Variants in ROCK2 observed in about 807,000 individuals in gnomAD.
ROCK2 encodes rho-associated protein kinase 2.
Under a neutral mutation model 195.1 loss-of-function variants are expected in ROCK2, and 61 were observed. The ratio of observed to expected loss-of-function variants is 0.31; its 90% CI spans 0.25 to 0.39. The LOEUF is 0.39. ROCK2 is among the 10% of genes least tolerant of loss of function. ROCK2 has a pLI of 1.00. For synonymous variants in ROCK2, 504 were observed against 545.5 expected (o/e 0.92, Z 1.06); for missense variants, 1,109 against 1,637.4 (o/e 0.68, Z 5.57).
intron 1 of ROCK2, among the ~76,000 whole-genome samples, chr2:11,291,132 TAC>T (rs1383795640): frequency 6.6e-6 from 1 of 152,282 alleles, no homozygotes; most frequent in South Asian, 2.1e-4. Context: ...AGGGAAAAAA[TAC>T]ATATACATAA....
intron 20 of ROCK2, among the ~76,000 whole-genome samples, chr2:11,204,591 CCTTA>C (rs1256937342): frequency 6.6e-6 from 1 of 152,088 alleles, no homozygotes; most frequent in Non-Finnish European, 1.5e-5. Context: ...TCCCTCTGGG[CCTTA>C]CTTACGTCTT....
At chr2:11,283,346 G>T (rs1389216856) in intron 3 of ROCK2, among the ~76,000 whole-genome samples, 2 of 150,764 alleles carry the variant, frequency 1.3e-5, no homozygotes, top group Non-Finnish European at 3.0e-5. Flanking sequence ...GGATCATGAG[G>T]TCAGGAGATC....
At chr2:11,183,848 C>T (rs1309508104) in intron 32 of ROCK2, among the ~76,000 whole-genome samples, 1 of 152,144 alleles carries the variant, frequency 6.6e-6, no homozygotes, top group Non-Finnish European at 1.5e-5. Flanking sequence ...CCCTAAGCCA[C>T]ATTTTGTTTT....
In ROCK2 at chr2:11,263,673, A is replaced by ACAC. The variant is rs1553308475; in HGVS notation, c.325-13876_325-13875insGTG. The stretch of plus-strand genomic sequence containing the variant: ...AAGGCACACACACACACACACACAC[A>ACAC]AAAAAAAACAAAGAGCATGCTCTGA... On this transcript the variant is annotated intron_variant, in intron 3 of 32. Transcript: ENST00000315872. 4.8e-4 allele frequency among the ~76,000 whole-genome samples: 68 copies of ACAC among 142,748 alleles called. No homozygotes were observed. In the South Asian group the frequency reaches 9.3e-3, roughly 20 times the overall value. The allele number at this position is 142,748 out of a possible 152,430, so 93.6% of individuals were successfully genotyped here.
intron 32 of ROCK2, among the ~76,000 whole-genome samples, chr2:11,183,868 T>C (rs1037451803): frequency 1.3e-5 from 2 of 152,200 alleles, no homozygotes; most frequent in African/African-American, 2.4e-5. Context: ...TTCTATAAGA[T>C]AGGACCAACT....
chr2:11,194,886 C>T (rs2148034025), intron 28 of ROCK2, 69 bp downstream of exon 28: 1 of 843,202 alleles, frequency 1.2e-6, no homozygotes, highest in African/African-American at 1.7e-5. Flanking sequence ...CCTACAACTA[C>T]AAAAGCCAAA....
chr2:11,284,123 C>A (rs886308476), intron 3 of ROCK2, among the ~76,000 whole-genome samples: 7 of 152,066 alleles, frequency 4.6e-5, no homozygotes, highest in African/African-American at 1.7e-4. Context: ...ACCTTAAATG[C>A]ATATTACTCA....
intron 3 of ROCK2, among the ~76,000 whole-genome samples, chr2:11,268,824 C>A (rs1284734057): frequency 6.6e-6 from 1 of 152,108 alleles, no homozygotes; most frequent in Non-Finnish European, 1.5e-5. Flanking sequence ...TGGCTTTCAT[C>A]AAAATTCGGG....
At chr2:11,224,559 G>T in intron 6 of ROCK2, 99 bp from the exon 7 acceptor site, 1 of 1,054,884 alleles carries the variant, frequency 9.5e-7, no homozygotes. Context: ...TTTGTCACAT[G>T]CAGGGAAGAA....
At chr2:11,188,617 AT>A (rs1291826226) in intron 32 of ROCK2, among the ~76,000 whole-genome samples, 1 of 114,122 alleles carries the variant, frequency 8.8e-6, no homozygotes, top group Admixed American at 9.8e-5. Context: ...GTCTTATTTT[AT>A]TTTTATTTTT....
chr2:11,271,841 C>T (rs193152478), intron 3 of ROCK2, among the ~76,000 whole-genome samples: 219 of 152,082 alleles, frequency 1.4e-3, no homozygotes, highest in Middle Eastern at 3.4e-3. Flanking sequence ...TCCTGGCTAA[C>T]ACGGTGAAAC....
intron 1 of ROCK2, among the ~76,000 whole-genome samples, chr2:11,338,684 A>G (rs1450179515): frequency 6.6e-6 from 1 of 152,136 alleles, no homozygotes; most frequent in East Asian, 1.9e-4. Flanking sequence ...AAAAAACTGA[A>G]AACTAGTCCA....
In ROCK2 at chr2:11,251,448, G is replaced by C. The variant is rs145239263; in HGVS notation, c.325-1650C>G. On this transcript the variant is annotated intron_variant, in intron 3 of 32. Coordinates refer to ENST00000315872, the MANE Select transcript of ROCK2 (RefSeq NM_004850.5). ...GGTATTATTTCCCCATACTACAAAT[G>C]GGAAATCTGAGGCACAGAGACATCA... Among the ~76,000 whole-genome samples the C allele has an allele frequency of 2.1e-4, 32 of 152,298 alleles. No homozygotes were observed. In the East Asian group the frequency reaches 6.0e-3, roughly 28 times the overall value.
At chr2:11,265,486 T>C (rs916345495) in intron 3 of ROCK2, among the ~76,000 whole-genome samples, 1 of 152,184 alleles carries the variant, frequency 6.6e-6, no homozygotes, top group Non-Finnish European at 1.5e-5. Context: ...ATGAAAATGA[T>C]TAGGAGAAAA....
At chr2:11,318,870 C>A (rs961261095) in intron 1 of ROCK2, among the ~76,000 whole-genome samples, 2 of 152,172 alleles carry the variant, frequency 1.3e-5, no homozygotes, top group Admixed American at 6.5e-5. Flanking sequence ...AATCCCTTCC[C>A]CATTTCTTGT....
intron 17 of ROCK2, among the ~76,000 whole-genome samples, chr2:11,213,457 A>G (rs571847839): frequency 8.8e-4 from 133 of 151,916 alleles, no homozygotes; most frequent in African/African-American, 3.0e-3. Context: ...GGCCAATCTA[A>G]CCTGATGCCT....
chr2:11,224,095 T>C lies in ROCK2; in HGVS notation c.1007+227A>G, dbSNP rs138965928. ...TTACCACGTTCTATTTTTTCCTTTT[T>C]AGACATGAGGGTTAAGGTTAGAGTT... On this transcript the variant is annotated intron_variant, in intron 7 of 32. Coordinates refer to ENST00000315872, the MANE Select transcript of ROCK2 (RefSeq NM_004850.5). 7.7e-4 allele frequency among the ~76,000 whole-genome samples: 117 copies of C among 152,274 alleles called. 1 individual carries two copies. Among genetic ancestry groups the C allele is most frequent in the African/African-American group, 2.7e-3 (111 of 41,564 alleles).
At chr2:11,324,637 G>A (rs1320303273) in intron 1 of ROCK2, among the ~76,000 whole-genome samples, 2 of 152,132 alleles carry the variant, frequency 1.3e-5, no homozygotes, top group Non-Finnish European at 2.9e-5. Context: ...GATATGGAGG[G>A]AAAACTTAAA....
intron 3 of ROCK2, among the ~76,000 whole-genome samples, chr2:11,267,510 A>C (rs1461621830): frequency 6.6e-6 from 1 of 151,624 alleles, no homozygotes; most frequent in Non-Finnish European, 1.5e-5. Flanking sequence ...TCACATACAA[A>C]AAAAAAAAAC....
Sources: allele counts gnomAD v4.1 joint callset (sites outside exome capture counted in the v4.1 genomes callset), GRCh38; gene constraint gnomAD v4.1.1; transcripts MANE v1.5; gene names NCBI Gene and HGNC (gene_info 2026-07-23, HGNC 2026-07-21).